The following MPP7 variants were observed in gnomAD, a reference collection of about 807,000 sequenced individuals.
The protein encoded by MPP7 is MAGUK p55 scaffold protein 7.
In MPP7, 60 loss-of-function variants were observed where a neutral mutation model predicts 76.5. The ratio of observed to expected loss-of-function variants is 0.78; its 90% CI spans 0.64 to 0.97. The LOEUF (loss-of-function observed/expected upper bound fraction) is 0.97. Ranked by LOEUF, MPP7 falls within the 50% of genes least tolerant of loss-of-function variation. MPP7 has a pLI of 0.00. For missense variants in MPP7, 641 were observed against 694.0 expected (o/e 0.92, Z 0.86); for synonymous variants, 237 against 244.5 (o/e 0.97, Z 0.29).
chr10:28,123,669 A>AATG (rs927764363), intron 8 of MPP7, among the ~76,000 whole-genome samples: 1 of 151,732 alleles, frequency 6.6e-6, no homozygotes, highest in East Asian at 1.9e-4. Context: ...GACGGGTTTC[A>AATG]CCATGTTGGC....
chr10:28,167,488 G>A (rs1015744461), intron 3 of MPP7, among the ~76,000 whole-genome samples: 2 of 152,132 alleles, frequency 1.3e-5, no homozygotes, highest in African/African-American at 4.8e-5. Flanking sequence ...GGAAAGCAAG[G>A]GAACAGCGTT....
chr10:28,160,363 GA>G (rs1836218416), intron 3 of MPP7, among the ~76,000 whole-genome samples: 1 of 152,168 alleles, frequency 6.6e-6, no homozygotes, highest in African/African-American at 2.4e-5. Context: ...AACTATTCTT[GA>G]TTGTGAGTGT....
chr10:28,135,355 A>C (rs139189350), intron 5 of MPP7, among the ~76,000 whole-genome samples: 1,588 of 152,298 alleles, frequency 0.01, 10 homozygotes, highest in Admixed American at 0.018. Context: ...GCATATAAGA[A>C]AACTACCAGA....
At chr10:28,251,355 G>A (rs940818264) in intron 1 of MPP7, among the ~76,000 whole-genome samples, 15 of 152,142 alleles carry the variant, frequency 9.9e-5, no homozygotes, top group South Asian at 4.2e-4. Context: ...CCAGCTACTC[G>A]GGAGGCTGAG....
intron 15 of MPP7, among the ~76,000 whole-genome samples, chr10:28,057,308 C>T (rs1031994753): frequency 7.9e-5 from 12 of 152,190 alleles, no homozygotes; most frequent in African/African-American, 2.7e-4. Flanking sequence ...ATCCCCACTG[C>T]TGTAGGTGCA....
chr10:28,104,116 T>G (rs1853962357), intron 11 of MPP7, among the ~76,000 whole-genome samples: 1 of 152,140 alleles, frequency 6.6e-6, no homozygotes, highest in African/African-American at 2.4e-5. Context: ...GGGAAGTGAT[T>G]CACAGATTTG....
intron 13 of MPP7, among the ~76,000 whole-genome samples, chr10:28,066,401 T>G (rs1378813891): frequency 6.6e-6 from 1 of 152,196 alleles, no homozygotes; most frequent in African/African-American, 2.4e-5. Flanking sequence ...GTTTTTAAAT[T>G]AAAGTAATTA....
chr10:28,327,528 T>A (rs768335508), intron 2 of MPP7, among the ~76,000 whole-genome samples: 16 of 152,226 alleles, frequency 1.1e-4, no homozygotes, highest in Non-Finnish European at 2.1e-4. Flanking sequence ...TGATTTTTTT[T>A]AATTTAACAG....
chr10:28,098,115 A>C (rs1427998553), intron 11 of MPP7, among the ~76,000 whole-genome samples: 1 of 152,126 alleles, frequency 6.6e-6, no homozygotes, highest in East Asian at 1.9e-4. Flanking sequence ...ATTATAGATA[A>C]ATATTATAAC....
chr10:28,305,790 T>C (rs555301426), upstream of MPP7: 2 of 152,342 alleles, frequency 1.3e-5, no homozygotes, highest in South Asian at 4.2e-4. Context: ...CCCCAGAATG[T>C]TGAAACAAAT....
chr10:28,212,371 A>C lies in MPP7; in HGVS notation c.38-10100T>G, dbSNP rs897948050. Among the ~76,000 whole-genome samples the C allele has an allele frequency of 2.6e-5, 4 of 152,286 alleles. No homozygotes were observed. In the East Asian group the frequency reaches 7.7e-4, roughly 29 times the overall value. On this transcript the variant is annotated intron_variant, in intron 2 of 16. Transcript: ENST00000683449. ...ACTGAATGAGGGACATGGGGGAAAAAAAATCAAACATAACTCCAACAGTTT... is the reference window on the plus strand; with the variant it reads ...ACTGAATGAGGGACATGGGGGAAAACAAATCAAACATAACTCCAACAGTTT...
chr10:28,248,184 A>G (rs1480371478), intron 1 of MPP7, among the ~76,000 whole-genome samples: 1 of 152,126 alleles, frequency 6.6e-6, no homozygotes, highest in African/African-American at 2.4e-5. Flanking sequence ...CTGCTAGCCA[A>G]ACTCTCTTAG....
chr10:28,265,798 C>T (rs1033155509), intron 1 of MPP7, among the ~76,000 whole-genome samples: 22 of 152,014 alleles, frequency 1.4e-4, no homozygotes, highest in African/African-American at 3.9e-4. Flanking sequence ...AGAGTAAGTG[C>T]AGAGGAAAGG....
intron 5 of MPP7, among the ~76,000 whole-genome samples, chr10:28,139,997 T>C (rs1022878): frequency 0.45 from 69,095 of 152,022 alleles, 19,126 homozygotes; most frequent in East Asian, 0.92. Flanking sequence ...ATATAAAAAA[T>C]GAAACCCAAA....
intron 11 of MPP7, among the ~76,000 whole-genome samples, chr10:28,094,674 TA>T (rs1373861105): frequency 6.6e-6 from 1 of 152,212 alleles, no homozygotes; most frequent in Admixed American, 6.5e-5. Flanking sequence ...AGAGGCTCAC[TA>T]ATTAGTTTCA....
At chr10:28,281,610 A>ATTGG (rs1840674404) in intron 1 of MPP7, among the ~76,000 whole-genome samples, 1 of 152,090 alleles carries the variant, frequency 6.6e-6, no homozygotes, top group South Asian at 2.1e-4. Context: ...TTTACCAACA[A>ATTGG]TACTGTTAAT....
intron 1 of MPP7, among the ~76,000 whole-genome samples, chr10:28,299,415 A>T (rs536977068): frequency 1.3e-5 from 2 of 152,324 alleles, no homozygotes; most frequent in South Asian, 4.1e-4. Flanking sequence ...CATATGTAAC[A>T]TTTATCAGTT....
intron 11 of MPP7, among the ~76,000 whole-genome samples, chr10:28,113,436 T>C (rs1290806700): frequency 1.3e-5 from 2 of 152,140 alleles, no homozygotes; most frequent in Admixed American, 6.5e-5. Context: ...CCAGCACACC[T>C]GAATCTACAG....
At chr10:28,308,967 A>G (rs1446218173) in intron 2 of MPP7, among the ~76,000 whole-genome samples, 1 of 152,192 alleles carries the variant, frequency 6.6e-6, no homozygotes, top group African/African-American at 2.4e-5. Context: ...CTGCTATTTG[A>G]TGATCAATGA....
Sources: allele counts gnomAD v4.1 joint callset (sites outside exome capture counted in the v4.1 genomes callset), GRCh38; gene constraint gnomAD v4.1.1; transcripts MANE v1.5; gene names NCBI Gene and HGNC (gene_info 2026-07-23, HGNC 2026-07-21).